Variants in XG observed in about 807,000 individuals in gnomAD.
The protein encoded by XG is Xg glycoprotein (Xg blood group).
A neutral mutation model predicts 25.7 loss-of-function variants in XG; 24 were observed. The observed-to-expected ratio is 0.93, with a 90% CI of 0.68 to 1.31. The LOEUF is 1.31. Ranked by LOEUF, XG falls within the 40% of genes most tolerant of loss-of-function variation. XG has a pLI of 0.00. For missense variants in XG, 181 were observed against 187.6 expected, an observed-to-expected ratio of 0.96 and a Z score of 0.21; for synonymous variants, 77 against 69.2, an observed-to-expected ratio of 1.11 and a Z score of -0.56.
intron 3 of XG, among the ~76,000 whole-genome samples, chrX:2,776,937 G>C (rs955636347): frequency 6.6e-6 from 1 of 152,244 alleles, no homozygotes; most frequent in African/African-American, 2.4e-5. Context: ...ATGGACGGGT[G>C]TTTATAGGTT....
intron 5 of XG, among the ~76,000 whole-genome samples, chrX:2,791,183 C>T (rs111776585): frequency 0.023 from 2,499 of 110,317 alleles, 84 homozygotes; most frequent in African/African-American, 0.078. Context: ...GTCTCACGAA[C>T]GTGAGACACT....
intron 2 of XG, among the ~76,000 whole-genome samples, chrX:2,774,324 A>C (rs1461467593): frequency 1.3e-5 from 2 of 152,098 alleles, no homozygotes; most frequent in Non-Finnish European, 2.9e-5. Flanking sequence ...GAATAAATGA[A>C]TGAATGAAAG....
chrX:2,773,298 A>G (rs2050866785), intron 2 of XG, among the ~76,000 whole-genome samples: 1 of 148,694 alleles, frequency 6.7e-6, no homozygotes, highest in African/African-American at 2.5e-5. Context: ...AGAGGAATGA[A>G]GGAGGAAGGG....
At chrX:2,793,450 C>T (rs776200386) in intron 5 of XG, among the ~76,000 whole-genome samples, 4 of 111,735 alleles carry the variant, frequency 3.6e-5, no homozygotes, top group Non-Finnish European at 7.5e-5. Context: ...CACAGGTGAA[C>T]GCAGCAGTCG....
intron 8 of XG, among the ~76,000 whole-genome samples, chrX:2,807,442 A>G (rs2087010701): frequency 9.0e-6 from 1 of 111,532 alleles, no homozygotes; most frequent in Admixed American, 9.4e-5. Context: ...ACACACACAC[A>G]TGAATGTGTT....
At chrX:2,805,629 G>C (rs1218942682) in intron 7 of XG, among the ~76,000 whole-genome samples, 1 of 109,851 alleles carries the variant, frequency 9.1e-6, no homozygotes, top group African/African-American at 3.3e-5. Flanking sequence ...CAAGATCAAG[G>C]TGTGAGCAGG....
chrX:2,783,106 A>G (rs910046982), intron 4 of XG, among the ~76,000 whole-genome samples: 11 of 111,478 alleles, frequency 9.9e-5, no homozygotes, highest in Non-Finnish European at 3.8e-5. Flanking sequence ...TTGCATTATC[A>G]TCACAGAAAG....
At chrX:2,753,187 C>T (rs896281088) in intron 1 of XG, among the ~76,000 whole-genome samples, 13 of 152,062 alleles carry the variant, frequency 8.5e-5, no homozygotes, top group Admixed American at 3.3e-4. Context: ...TGTTTATGGG[C>T]GGAGGCGGTG....
At chrX:2,811,069 G>C (rs1203130251) in intron 9 of XG, among the ~76,000 whole-genome samples, 1 of 111,252 alleles carries the variant, frequency 9.0e-6, no homozygotes, top group African/African-American at 3.3e-5. Context: ...TGGTTGACAA[G>C]CTTGGCTCTT....
At chrX:2,811,931 C>T (rs1210136758) in intron 10 of XG, among the ~76,000 whole-genome samples, 1 of 111,622 alleles carries the variant, frequency 9.0e-6, no homozygotes, top group Non-Finnish European at 1.9e-5. Flanking sequence ...GTGAGCTGTA[C>T]CTTCCTCTAA....
intron 4 of XG, among the ~76,000 whole-genome samples, chrX:2,783,226 T>C (rs2086748876): frequency 9.0e-6 from 1 of 110,710 alleles, no homozygotes; most frequent in Admixed American, 9.7e-5. Flanking sequence ...TTATGTGTTT[T>C]AGAGTTGGTT....
rs747405682 is a variant in XG at position 2,801,782 on chromosome X, C to T, written c.373+4422C>T. 3.1e-4 allele frequency among the ~76,000 whole-genome samples: 34 copies of T among 110,969 alleles called. No homozygotes were observed. In the South Asian group the frequency reaches 8.3e-3, roughly 27 times the overall value. Reference sequence around the variant, plus strand: ...GGAGTGCAGTGGCGTCATCTCGGCTCACTGCAAGCTCCGCCTCCCGGGTTC... The same window carrying T: ...GGAGTGCAGTGGCGTCATCTCGGCTTACTGCAAGCTCCGCCTCCCGGGTTC... On this transcript the variant is annotated intron_variant, in intron 7 of 10. Transcript: ENST00000644266.
intron 1 of XG, among the ~76,000 whole-genome samples, chrX:2,762,145 G>A (rs1363308903): frequency 3.9e-5 from 6 of 152,090 alleles, no homozygotes; most frequent in Admixed American, 2.6e-4. Context: ...CATGGTCTGC[G>A]GTATTTTCCT....
intron 7 of XG, among the ~76,000 whole-genome samples, chrX:2,801,883 A>T (rs1413925880): frequency 9.2e-6 from 1 of 108,920 alleles, no homozygotes; most frequent in Non-Finnish European, 1.9e-5. Context: ...AATTTTTTCT[A>T]TTTTTAGTAG....
intron 5 of XG, among the ~76,000 whole-genome samples, chrX:2,790,595 G>C (rs905898684): frequency 1.8e-5 from 2 of 111,348 alleles, no homozygotes; most frequent in African/African-American, 6.5e-5. Context: ...CTGAGGTCAG[G>C]AGTTTGAAAC....
chrX:2,811,115 C>CT (rs10709559), intron 9 of XG, among the ~76,000 whole-genome samples: 3 of 105,371 alleles, frequency 2.8e-5, no homozygotes, highest in Non-Finnish European at 5.8e-5. Flanking sequence ...GTTTTTTTTT[C>CT]TTTTTTTTTA....
chrX:2,766,938 G>A (rs1382747382), intron 1 of XG, among the ~76,000 whole-genome samples: 1 of 152,076 alleles, frequency 6.6e-6, no homozygotes, highest in Non-Finnish European at 1.5e-5. Context: ...CTGGCTTCGG[G>A]GGGAAAGGCG....
At chrX:2,782,013 C>G in intron 3 of XG, 53 bp from the exon 4 acceptor site, 1 of 1,162,939 alleles carries the variant, frequency 8.6e-7, no homozygotes, top group African/African-American at 1.8e-5. Context: ...CAGCCTGCTC[C>G]TAAGGGAAGG....
At chrX:2,757,924 A>C (rs2124401170) in intron 1 of XG, among the ~76,000 whole-genome samples, 1 of 146,428 alleles carries the variant, frequency 6.8e-6, no homozygotes, top group Non-Finnish European at 1.5e-5. Context: ...ATCAGCTGAG[A>C]TCATACCACT....
Sources: gnomAD v4.1 joint callset for allele counts (sites outside exome capture counted in the v4.1 genomes callset) on GRCh38, gnomAD v4.1.1 for gene constraint, MANE v1.5 for transcripts, NCBI Gene and HGNC (gene_info 2026-07-23, HGNC 2026-07-21) for gene names.